Variants in ABCA12 observed in about 807,000 individuals in gnomAD.
ABCA12 encodes glucosylceramide transporter ABCA12.
Under a neutral mutation model 293.5 loss-of-function variants are expected in ABCA12, and 156 were observed. The observed-to-expected ratio is 0.53, with a 90% CI of 0.47 to 0.61. The LOEUF (loss-of-function observed/expected upper bound fraction) is 0.61. Among genes scored for constraint, ABCA12 ranks in the 20% least tolerant of loss-of-function variants. ABCA12 has a pLI of 0.00. For synonymous variants in ABCA12, 1,063 were observed against 1,108.0 expected, an observed-to-expected ratio of 0.96 and a Z score of 0.81; for missense variants, 2,797 against 3,090.2, an observed-to-expected ratio of 0.91 and a Z score of 2.25.
intron 2 of ABCA12, among the ~76,000 whole-genome samples, chr2:215,108,275 T>C (rs1211538071): frequency 6.6e-6 from 1 of 152,246 alleles, no homozygotes. Flanking sequence ...ATAACTCTAA[T>C]ACATACATTG....
At chr2:215,082,010 G>T (rs576788000) in intron 2 of ABCA12, among the ~76,000 whole-genome samples, 202 of 150,026 alleles carry the variant, frequency 1.3e-3, no homozygotes, top group Non-Finnish European at 2.2e-3. Flanking sequence ...AAGTCCATAT[G>T]CAGTTACATA....
At chr2:215,073,525 G>A (rs1701778259) in intron 2 of ABCA12, among the ~76,000 whole-genome samples, 1 of 151,994 alleles carries the variant, frequency 6.6e-6, no homozygotes, top group South Asian at 2.1e-4. Flanking sequence ...CCTGGTGCTG[G>A]TGGGTAAAGA....
intron 2 of ABCA12, among the ~76,000 whole-genome samples, chr2:215,088,427 C>T (rs1702081257): frequency 6.6e-6 from 1 of 152,150 alleles, no homozygotes; most frequent in Non-Finnish European, 1.5e-5. Context: ...ATTCATTTCC[C>T]ACATTAGGCA....
At chr2:215,013,589 G>A (rs764818191) in intron 15 of ABCA12, 1 of 154,238 alleles carries the variant, frequency 6.5e-6, no homozygotes, top group African/African-American at 2.4e-5. Flanking sequence ...CCACATTAAC[G>A]TGAAATAAAT....
Position 215,105,603 on chromosome 2 carries a change from A to G in ABCA12, c.163+5994T>C, listed in dbSNP as rs761080425. 9.9e-3 allele frequency among the ~76,000 whole-genome samples: 1,081 copies of G among 108,936 alleles called. 7 individuals are homozygous for G. The highest frequency in any genetic ancestry group is 0.038 in the African/African-American group (964 of 25,454). The allele number at this position is 108,936 out of a possible 152,430, so 71.5% of individuals were successfully genotyped here. On this transcript the variant is annotated intron_variant, in intron 2 of 52. Coordinates refer to ENST00000272895, the MANE Select transcript of ABCA12 (RefSeq NM_173076.3). ...GACACACACACACACACACACACGC[A>G]CACACACACACACACACACGCACTT...
At chr2:214,988,859 G>A (rs1428213606) in intron 26 of ABCA12, among the ~76,000 whole-genome samples, 2 of 151,666 alleles carry the variant, frequency 1.3e-5, no homozygotes, top group Non-Finnish European at 2.9e-5. Context: ...GATTATATAT[G>A]GCAAATAAGA....
At chr2:215,067,132 G>C (rs1233172201) in intron 2 of ABCA12, among the ~76,000 whole-genome samples, 1 of 152,018 alleles carries the variant, frequency 6.6e-6, no homozygotes, top group Non-Finnish European at 1.5e-5. Flanking sequence ...AAGAGCAATG[G>C]TGGAATCAAA....
chr2:215,129,275 G>A (rs6708529), intron 1 of ABCA12, among the ~76,000 whole-genome samples: 5,414 of 152,214 alleles, frequency 0.036, 334 homozygotes, highest in African/African-American at 0.12. Flanking sequence ...GAAGGGTCTC[G>A]GATCCTTCAG....
chr2:214,938,112 C>A (rs375277227), intron 50 of ABCA12, among the ~76,000 whole-genome samples: 1 of 151,864 alleles, frequency 6.6e-6, no homozygotes. Flanking sequence ...CCTAGCCCCC[C>A]ACCCCCCAAC....
chr2:214,949,859 T>G (rs1310136003), intron 45 of ABCA12, among the ~76,000 whole-genome samples: 1 of 152,180 alleles, frequency 6.6e-6, no homozygotes, highest in African/African-American at 2.4e-5. Context: ...GGCTCAGAAC[T>G]TGCTGTGTGG....
intron 2 of ABCA12, among the ~76,000 whole-genome samples, chr2:215,073,761 G>T (rs974024489): frequency 4.6e-5 from 7 of 152,168 alleles, no homozygotes; most frequent in Admixed American, 3.9e-4. Flanking sequence ...AGGCATCTAG[G>T]AGTTAACTCA....
At chr2:214,986,852 C>T in intron 27 of ABCA12, 124 bp from the exon 28 acceptor site, 1 of 914,462 alleles carries the variant, frequency 1.1e-6, no homozygotes, top group East Asian at 2.6e-5. Context: ...AATAAAAAAT[C>T]CAGAAACAAA....
rs201542666 is a variant in ABCA12 at position 215,111,630 on chromosome 2, G to T, written c.130C>A (p.Arg44=). The T allele has an allele frequency of 4.3e-6, 7 of 1,613,336 alleles. No homozygotes were observed. The Admixed American group carries it at 8.3e-5, about 19-fold the overall frequency. Residue 44 remains arginine (R), a synonymous_variant, in exon 2 of 53, where the codon CGG becomes AGG. Transcript: ENST00000272895. The part of the protein sequence containing the change: ...VIIFIILAIT[R]TKFPPTAKPT... ...TTTGCAGTTGGAGGAAATTTGGTCC[G>T]AGTAATAGCCAAAATTATGAAAATA... is the stretch of plus-strand genomic sequence containing the variant.
chr2:215,134,456 A>C (rs1703146958), intron 1 of ABCA12, among the ~76,000 whole-genome samples: 1 of 146,124 alleles, frequency 6.8e-6, no homozygotes, highest in African/African-American at 2.5e-5. Context: ...ATATATGTAC[A>C]TATATGCATA....
At chr2:214,958,941 A>G (rs1260194547) in intron 40 of ABCA12, 83 bp downstream of exon 40, 1 of 1,312,122 alleles carries the variant, frequency 7.6e-7, no homozygotes, top group South Asian at 1.2e-5. Flanking sequence ...TTCAGATACA[A>G]CTGTGATTTC....
At chr2:214,972,078 T>G (rs1699397401) in intron 36 of ABCA12, among the ~76,000 whole-genome samples, 1 of 152,210 alleles carries the variant, frequency 6.6e-6, no homozygotes, top group African/African-American at 2.4e-5. Flanking sequence ...CTAATTTTTC[T>G]GCTGTGTTAT....
chr2:215,119,422 A>G (rs1575056591), intron 1 of ABCA12, among the ~76,000 whole-genome samples: 1 of 152,238 alleles, frequency 6.6e-6, no homozygotes, highest in East Asian at 1.9e-4. Context: ...TTCTTTTAGG[A>G]TTTTTAGAGT....
Position 214,955,274 on chromosome 2 carries a change from C to G in ABCA12, c.6321G>C (p.Leu2107Phe), listed in dbSNP as rs774512656. 6.2e-7 allele frequency: 1 copy of G among 1,614,096 alleles called. No homozygotes were observed. Among genetic ancestry groups the G allele is most frequent in the African/African-American group, 1.3e-5 (1 of 75,048 alleles). ...MAFITYVCVN[L>F]FFGINSIVSL... is the part of the protein sequence containing the mutation. ...AAACAATGGAATTAATGCCAAAAAACAAGTTGACACAGACGTAAGTGATGA... is the reference window on the plus strand; with the variant it reads ...AAACAATGGAATTAATGCCAAAAAAGAAGTTGACACAGACGTAAGTGATGA... The change falls in exon 43 of 53, where the codon TTG (leucine) becomes TTC (phenylalanine). Residue 2107 changes from leucine (L) to phenylalanine (F), a missense_variant. Transcript: ENST00000272895.
intron 45 of ABCA12, among the ~76,000 whole-genome samples, chr2:214,949,842 A>G (rs571778653): frequency 8.5e-4 from 130 of 152,344 alleles, no homozygotes; most frequent in African/African-American, 3.0e-3. Context: ...ACAGTAGTTT[A>G]GGAAGGGGCT....
Sources: allele counts gnomAD v4.1 joint callset (sites outside exome capture counted in the v4.1 genomes callset), GRCh38; gene constraint gnomAD v4.1.1; transcripts MANE v1.5; gene names NCBI Gene and HGNC (gene_info 2026-07-23, HGNC 2026-07-21).